Variants in BABAM2 observed in about 807,000 individuals in gnomAD.
The protein encoded by BABAM2 is BRISC and BRCA1 A complex member 2.
In BABAM2, 31 loss-of-function variants were observed where a neutral mutation model predicts 54.7. The observed-to-expected ratio is 0.57, with a 90% CI of 0.43 to 0.77. The LOEUF (loss-of-function observed/expected upper bound fraction) is 0.77, where lower values mean the gene tolerates loss of function less well. Among genes scored for constraint, BABAM2 ranks in the 30% least tolerant of loss-of-function variants. The probability of loss-of-function intolerance (pLI) is 0.00; values close to 1 mark genes in which losing one functional copy is unlikely to be tolerated. For missense variants in BABAM2, 364 were observed against 455.8 expected (o/e 0.80, Z 1.83); for synonymous variants, 167 against 162.9 (o/e 1.03, Z -0.19).
At chr2:28,063,578 G>A (rs1250892426) in intron 6 of BABAM2, among the ~76,000 whole-genome samples, 1 of 151,250 alleles carries the variant, frequency 6.6e-6, no homozygotes, top group Non-Finnish European at 1.5e-5. Context: ...ATTTTGGACA[G>A]TGCAGCTCTA....
intron 7 of BABAM2, among the ~76,000 whole-genome samples, chr2:28,140,084 C>T (rs1670910396): frequency 6.6e-6 from 1 of 152,158 alleles, no homozygotes; most frequent in Non-Finnish European, 1.5e-5. Context: ...GCTTTTCCTG[C>T]ATCTCTCAGG....
At chr2:27,956,493 C>T (rs1160586873) in intron 3 of BABAM2, among the ~76,000 whole-genome samples, 9 of 152,106 alleles carry the variant, frequency 5.9e-5, no homozygotes, top group Non-Finnish European at 1.3e-4. Context: ...AGCAAGAATC[C>T]TCTGTGATTT....
At chr2:28,171,041 A>G (rs1237497849) in intron 7 of BABAM2, among the ~76,000 whole-genome samples, 1 of 152,136 alleles carries the variant, frequency 6.6e-6, no homozygotes, top group Non-Finnish European at 1.5e-5. Flanking sequence ...ATACAAAGGT[A>G]TGTGAACATA....
chr2:28,071,162 G>A (rs777877405), intron 6 of BABAM2, among the ~76,000 whole-genome samples: 1 of 152,066 alleles, frequency 6.6e-6, no homozygotes, highest in Non-Finnish European at 1.5e-5. Flanking sequence ...AGAAACCCTC[G>A]ACATTCTTTG....
At chr2:27,982,892 A>G (rs754148002) in intron 3 of BABAM2, among the ~76,000 whole-genome samples, 1 of 147,202 alleles carries the variant, frequency 6.8e-6, no homozygotes, top group Non-Finnish European at 1.5e-5. Context: ...CATATATGTC[A>G]CATTTGGTTT....
intron 2 of BABAM2, among the ~76,000 whole-genome samples, chr2:27,929,002 G>A (rs1331841290): frequency 6.8e-6 from 1 of 146,414 alleles, no homozygotes; most frequent in African/African-American, 2.5e-5. Context: ...GATCACTTGA[G>A]CCCAGGAGTT....
intron 7 of BABAM2, among the ~76,000 whole-genome samples, chr2:28,142,812 T>G (rs530083341): frequency 1.3e-5 from 2 of 152,278 alleles, no homozygotes; most frequent in South Asian, 4.1e-4. Context: ...AAGGATTCAT[T>G]AACTATAATA....
chr2:28,028,768 C>CT (rs1558669712), intron 5 of BABAM2, among the ~76,000 whole-genome samples: 2 of 151,674 alleles, frequency 1.3e-5, no homozygotes, highest in Admixed American at 6.6e-5. Flanking sequence ...TTTTCTTTTT[C>CT]TTTTTTTTCT....
At chr2:27,905,929 T>C (rs1245339683) in intron 2 of BABAM2, among the ~76,000 whole-genome samples, 1 of 152,232 alleles carries the variant, frequency 6.6e-6, no homozygotes, top group Non-Finnish European at 1.5e-5. Flanking sequence ...GAAAAATGAA[T>C]GGGCATGAAG....
At chr2:28,250,584 C>CTTTTTTT (rs34597279) in intron 10 of BABAM2, among the ~76,000 whole-genome samples, 56 of 136,852 alleles carry the variant, frequency 4.1e-4, no homozygotes, top group East Asian at 8.5e-4. Context: ...ATATTTTTTT[C>CTTTTTTT]TTTTTTTTTT....
chr2:27,906,000 CTGAT>C (rs771627153), intron 2 of BABAM2, among the ~76,000 whole-genome samples: 2 of 152,198 alleles, frequency 1.3e-5, no homozygotes, highest in Non-Finnish European at 2.9e-5. Context: ...AGATTGAACA[CTGAT>C]TGTCTTGAGC....
intron 7 of BABAM2, among the ~76,000 whole-genome samples, chr2:28,151,601 A>G (rs1672043604): frequency 6.6e-6 from 1 of 152,146 alleles, no homozygotes; most frequent in South Asian, 2.1e-4. Flanking sequence ...AAAGAAAAGA[A>G]AAAAGCATCC....
rs367887351 is a variant in BABAM2 at position 28,249,087 on chromosome 2, G to GTTT, written c.934+4240_934+4242dup. The stretch of plus-strand genomic sequence containing the variant: ...TAGCTTTTTGTTTGTTTGTTTGCTT[G>GTTT]TTTTTTTTTTTTTTTTTGGAAACAG... On this transcript the variant is annotated intron_variant, in intron 10 of 11. Coordinates refer to ENST00000379624, the MANE Select transcript of BABAM2 (RefSeq NM_199191.3). Among the ~76,000 whole-genome samples the GTTT allele has an allele frequency of 4.2e-3, 546 of 129,568 alleles. 8 individuals are homozygous for GTTT. The highest frequency in any genetic ancestry group is 0.014 in the African/African-American group (509 of 35,642). 85.0% of individuals were successfully genotyped at this position (129,568 alleles called of 152,430 possible).
chr2:28,201,839 T>C (rs954816712), intron 7 of BABAM2, among the ~76,000 whole-genome samples: 1 of 152,134 alleles, frequency 6.6e-6, no homozygotes, highest in East Asian at 1.9e-4. Context: ...AGACAAAGCC[T>C]CTGGCAAGAC....
At chr2:28,084,933 C>G (rs2148679866) in intron 6 of BABAM2, among the ~76,000 whole-genome samples, 1 of 152,160 alleles carries the variant, frequency 6.6e-6, no homozygotes, top group Non-Finnish European at 1.5e-5. Flanking sequence ...CGTCATTTTA[C>G]TTAGTGAAGT....
intron 10 of BABAM2, among the ~76,000 whole-genome samples, chr2:28,259,383 C>T (rs571105170): frequency 3.3e-5 from 5 of 152,100 alleles, no homozygotes; most frequent in Admixed American, 6.5e-5. Context: ...CGCACCTAGC[C>T]GGCTAGTTTA....
At chr2:28,058,937 T>C (rs1214688538) in intron 6 of BABAM2, among the ~76,000 whole-genome samples, 1 of 152,188 alleles carries the variant, frequency 6.6e-6, no homozygotes, top group Non-Finnish European at 1.5e-5. Context: ...GTGGATGGTT[T>C]GAGAAGCATT....
At chr2:28,108,871 G>T (rs1420765704) in intron 6 of BABAM2, among the ~76,000 whole-genome samples, 1 of 152,072 alleles carries the variant, frequency 6.6e-6, no homozygotes, top group Non-Finnish European at 1.5e-5. Context: ...AGCAGTCATG[G>T]GTTTTGGTTT....
rs1221815644 is a variant in BABAM2, at chr2:28,265,642, GCA to G, written c.934+20792_934+20793del. ...TTCATACACATGCATGCACATATGT[GCA>G]CACACACACACGACACACGTACACT... On this transcript the variant is annotated intron_variant, in intron 10 of 11. Transcript: ENST00000379624. 4.6e-5 allele frequency among the ~76,000 whole-genome samples: 7 copies of G among 151,730 alleles called. No individual in the cohort carries two copies. In the East Asian group the frequency reaches 9.7e-4, roughly 21 times the overall value.
Sources: allele counts gnomAD v4.1 joint callset (sites outside exome capture counted in the v4.1 genomes callset), GRCh38; gene constraint gnomAD v4.1.1; transcripts MANE v1.5; gene names NCBI Gene and HGNC (gene_info 2026-07-23, HGNC 2026-07-21).